Variants in NIBAN1 observed in about 807,000 individuals in gnomAD.
NIBAN1 encodes the protein protein Niban 1.
A neutral mutation model predicts 75.1 loss-of-function variants in NIBAN1; 81 were observed. The ratio of observed to expected loss-of-function variants is 1.08; its 90% CI spans 0.90 to 1.30. The LOEUF (loss-of-function observed/expected upper bound fraction) is 1.30, where lower values mean the gene tolerates loss of function less well. Ranked by LOEUF, NIBAN1 falls within the 50% of genes most tolerant of loss-of-function variation. The pLI, the probability that NIBAN1 is intolerant of heterozygous loss-of-function variation, is 0.00. For synonymous variants in NIBAN1, 436 were observed against 424.8 expected (o/e 1.03, Z -0.32); for missense variants, 1,133 against 1,128.1 (o/e 1.00, Z -0.06).
chr1:184,809,641 GTA>G (rs369789591), intron 9 of NIBAN1, among the ~76,000 whole-genome samples: 47 of 137,034 alleles, frequency 3.4e-4, no homozygotes, highest in African/African-American at 1.1e-3. Context: ...ATGTGTGTGT[GTA>G]TATATATATA....
At chr1:184,888,277 A>G (rs1042528450) in intron 4 of NIBAN1, 7 of 152,174 alleles carry the variant, frequency 4.6e-5, no homozygotes, top group Non-Finnish European at 1.0e-4. Flanking sequence ...TCCCATCTTT[A>G]TTATGCCTTT....
chr1:184,903,338 T>C (rs1027534658), intron 1 of NIBAN1, among the ~76,000 whole-genome samples: 1 of 152,206 alleles, frequency 6.6e-6, no homozygotes, highest in Admixed American at 6.5e-5. Flanking sequence ...ATAACACCCT[T>C]CAAGGTAATC....
intron 5 of NIBAN1, among the ~76,000 whole-genome samples, chr1:184,862,590 G>A (rs1365053826): frequency 6.6e-6 from 1 of 152,162 alleles, no homozygotes; most frequent in African/African-American, 2.4e-5. Context: ...AGTCCCAGGT[G>A]CAAATGAAGA....
chr1:184,845,522 A>T (rs114302621), intron 5 of NIBAN1, among the ~76,000 whole-genome samples: 171 of 152,308 alleles, frequency 1.1e-3, no homozygotes, highest in Non-Finnish European at 2.2e-3. Flanking sequence ...ATACTTTGGG[A>T]GGCCAAGGAG....
At chr1:184,947,197 A>G (rs1476470449) in intron 1 of NIBAN1, among the ~76,000 whole-genome samples, 2 of 152,236 alleles carry the variant, frequency 1.3e-5, no homozygotes, top group Non-Finnish European at 2.9e-5. Context: ...TACTCAAATG[A>G]CTTTAAGAAG....
At chr1:184,911,516 A>G (rs1393916776) in intron 1 of NIBAN1, among the ~76,000 whole-genome samples, 1 of 152,182 alleles carries the variant, frequency 6.6e-6, no homozygotes, top group African/African-American at 2.4e-5. Flanking sequence ...CAGGTGTTCC[A>G]ATTAAGTTGC....
rs1658282932 is a variant in NIBAN1, at chr1:184,948,449, T to TTATG, written c.55+25849_55+25852dup. Among the ~76,000 whole-genome samples the TTATG allele has an allele frequency of 3.3e-5, 5 of 152,330 alleles. No homozygotes were observed. The South Asian group carries it at 8.3e-4, about 25-fold the overall frequency. On this transcript the variant is annotated intron_variant, in intron 1 of 13. Transcript: ENST00000367511. ...TTAGAAATTCAGTGTGGCTGATATATTATGCATCTATGATGGCCTTTCTTT... is the reference window on the plus strand; with the variant it reads ...TTAGAAATTCAGTGTGGCTGATATATTATGTATGCATCTATGATGGCCTTTCTTT...
At chr1:184,819,027 C>A (rs1437027802) in intron 8 of NIBAN1, among the ~76,000 whole-genome samples, 2 of 152,088 alleles carry the variant, frequency 1.3e-5, no homozygotes, top group Admixed American at 1.3e-4. Flanking sequence ...CAGAACTGGA[C>A]CAAACCTATC....
chr1:184,852,958 C>G (rs1040768250), intron 5 of NIBAN1, among the ~76,000 whole-genome samples: 1 of 152,106 alleles, frequency 6.6e-6, no homozygotes, highest in African/African-American at 2.4e-5. Context: ...AAATAACAGT[C>G]CATTTCATGG....
intron 5 of NIBAN1, among the ~76,000 whole-genome samples, chr1:184,859,747 C>T (rs909125112): frequency 7.2e-5 from 11 of 151,980 alleles, no homozygotes; most frequent in Non-Finnish European, 1.2e-4. Context: ...CTTGCTGGTT[C>T]GCTCTGCCAT....
At chr1:184,903,039 A>G (rs1656993509) in intron 1 of NIBAN1, among the ~76,000 whole-genome samples, 1 of 152,222 alleles carries the variant, frequency 6.6e-6, no homozygotes, top group South Asian at 2.1e-4. Context: ...CTGAAACTAC[A>G]TTATTCATCA....
At chr1:184,816,787 A>G (rs641337) in intron 9 of NIBAN1, among the ~76,000 whole-genome samples, 127,077 of 151,628 alleles carry the variant, frequency 0.84, 53,877 homozygotes, top group African/African-American at 0.96. Context: ...GTACATTTAC[A>G]ATAGTGCTAG....
intron 6 of NIBAN1, among the ~76,000 whole-genome samples, chr1:184,830,703 GA>G (rs922821103): frequency 1.1e-4 from 17 of 149,396 alleles, no homozygotes; most frequent in African/African-American, 2.4e-4. Context: ...AGGAGATGTG[GA>G]AAAAAAAAAT....
At chr1:184,832,432 G>A (rs1190905812) in intron 5 of NIBAN1, among the ~76,000 whole-genome samples, 3 of 152,156 alleles carry the variant, frequency 2.0e-5, no homozygotes, top group Non-Finnish European at 4.4e-5. Flanking sequence ...GCCAATTTAT[G>A]CAAATGAAGA....
At chr1:184,813,162 A>G (rs1197639064) in intron 9 of NIBAN1, among the ~76,000 whole-genome samples, 5 of 152,256 alleles carry the variant, frequency 3.3e-5, no homozygotes, top group African/African-American at 1.2e-4. Context: ...TTAAAAATCT[A>G]GCAAATGAAA....
At chr1:184,862,440 G>A (rs957349296) in intron 5 of NIBAN1, among the ~76,000 whole-genome samples, 2 of 151,964 alleles carry the variant, frequency 1.3e-5, no homozygotes, top group Admixed American at 6.6e-5. Context: ...CCTCAGCTTC[G>A]AGAGCAGCTG....
At chr1:184,905,976 G>A (rs1431990069) in intron 1 of NIBAN1, among the ~76,000 whole-genome samples, 3 of 151,994 alleles carry the variant, frequency 2.0e-5, no homozygotes, top group Non-Finnish European at 4.4e-5. Context: ...GGTGGCTCAT[G>A]CCTGTAATCC....
intron 3 of NIBAN1, among the ~76,000 whole-genome samples, chr1:184,892,358 T>C (rs534035717): frequency 2.8e-4 from 42 of 152,142 alleles, no homozygotes; most frequent in Non-Finnish European, 5.6e-4. Flanking sequence ...ATCTAGTAAG[T>C]GGTAAAGGTA....
chr1:184,823,470 A>G, intron 7 of NIBAN1, 141 bp from the exon 8 acceptor site: 1 of 1,328,198 alleles, frequency 7.5e-7, no homozygotes, highest in Admixed American at 2.4e-5. Context: ...TCAAAGTTGG[A>G]GTCTGTTTGG....
Sources: gnomAD v4.1 joint callset for allele counts (sites outside exome capture counted in the v4.1 genomes callset) on GRCh38, gnomAD v4.1.1 for gene constraint, MANE v1.5 for transcripts, NCBI Gene and HGNC (gene_info 2026-07-23, HGNC 2026-07-21) for gene names.